Variants in ATP2B3 observed in about 807,000 individuals in gnomAD.
ATP2B3 encodes plasma membrane calcium-transporting ATPase 3.
Under a neutral mutation model 70.8 loss-of-function variants are expected in ATP2B3, and 12 were observed. That is an observed-to-expected ratio of 0.17 (90% CI 0.11 to 0.27). ATP2B3 has a LOEUF of 0.27. ATP2B3 is among the 10% of genes least tolerant of loss of function. The pLI, the probability that ATP2B3 is intolerant of heterozygous loss-of-function variation, is 1.00. For missense variants in ATP2B3, 858 were observed against 1,118.5 expected (o/e 0.77, Z 3.32); for synonymous variants, 460 against 497.8 (o/e 0.92, Z 1.01).
rs1557020917 is a variant in ATP2B3, at chrX:153,574,894, T to C, written c.3343-5084T>C. On this transcript the variant is annotated intron_variant, in intron 21 of 21. Transcript: ENST00000263519. ...GCTCAGTGTGGCCAGGGATGGGCCT[T>C]GTCAGTCTGCAGCGTCACCCGCCCT... 3 of 328,593 alleles carry C rather than the reference T, an allele frequency of 9.1e-6. No individual in the cohort carries two copies. The East Asian group carries it at 2.9e-4, about 32-fold the overall frequency. The allele number at this position is 328,593 out of a possible 1,213,427, so 27.1% of individuals were successfully genotyped here.
intron 2 of ATP2B3, among the ~76,000 whole-genome samples, chrX:153,523,704 TTTTTTTTC>T (rs1411571156): frequency 2.1e-4 from 5 of 23,600 alleles, no homozygotes; most frequent in Admixed American, 6.9e-4. Context: ...TTTTTTTTTT[TTTTTTTTC>T]CCTGAGACAG....
Position 153,556,176 on chromosome X carries a change from T to C in ATP2B3, c.2186T>C (p.Leu729Pro), listed in dbSNP as rs1557013411. Residue 729 changes from leucine (L) to proline (P), a missense_variant, in exon 14 of 22, where the codon CTG becomes CCG. By Grantham distance (98) the Leu-to-Pro change is moderately conservative. Coordinates refer to ENST00000263519, the MANE Select transcript of ATP2B3 (RefSeq NM_001001344.3). ...CGIIQPGEDF[L>P]CLEGKEFNRR... ...ATCATCCAGCCCGGGGAGGACTTCCTGTGCCTAGAAGGGAAGGAGTTCAAC... is the reference window on the plus strand; with the variant it reads ...ATCATCCAGCCCGGGGAGGACTTCCCGTGCCTAGAAGGGAAGGAGTTCAAC... The C allele has an allele frequency of 8.3e-7, 1 of 1,211,576 alleles. No individual in the cohort carries two copies. Among genetic ancestry groups the C allele is most frequent in the Non-Finnish European group, 1.1e-6 (1 of 895,193 alleles).
chrX:153,544,169 G>T lies in ATP2B3; in HGVS notation c.916+1001G>T, dbSNP rs185931009. 8.8e-4 allele frequency among the ~76,000 whole-genome samples: 99 copies of T among 112,555 alleles called. No individual in the cohort carries two copies. In the East Asian group the frequency reaches 0.026, roughly 29 times the overall value. On this transcript the variant is annotated intron_variant, in intron 7 of 21. Transcript: ENST00000263519. ...AGTGCAGTGTCTCACCCCAGTGAGTGCCCTGGGGGTGCGCAGGCAGATGGG... is the reference window on the plus strand; with the variant it reads ...AGTGCAGTGTCTCACCCCAGTGAGTTCCCTGGGGGTGCGCAGGCAGATGGG...
chrX:153,546,034 C>G, intron 7 of ATP2B3, 54 bp from the exon 8 acceptor site: 1 of 1,192,725 alleles, frequency 8.4e-7, no homozygotes. Flanking sequence ...TGCCACGCGG[C>G]CCCCAGGCTG....
At chrX:153,546,591 G>C (rs1406706358) in intron 8 of ATP2B3, among the ~76,000 whole-genome samples, 8 of 113,371 alleles carry the variant, frequency 7.1e-5, no homozygotes, top group Non-Finnish European at 1.5e-4. Context: ...TCTCAGCCCC[G>C]GACAGCTGGC....
At chrX:153,546,547 A>C (rs1387197611) in intron 8 of ATP2B3, among the ~76,000 whole-genome samples, 1 of 113,088 alleles carries the variant, frequency 8.8e-6, no homozygotes, top group Non-Finnish European at 1.9e-5. Context: ...TGGGAGACAG[A>C]GTGGTCGGCT....
At chrX:153,552,972 C>A in intron 12 of ATP2B3, 63 bp from the exon 13 acceptor site, 2 of 1,005,330 alleles carry the variant, frequency 2.0e-6, no homozygotes, top group Non-Finnish European at 2.8e-6. Context: ...TCCAGTGTGA[C>A]CAGCGCTGTT....
chrX:153,560,977 G>A, intron 19 of ATP2B3, 90 bp downstream of exon 19: 1 of 1,048,502 alleles, frequency 9.5e-7, no homozygotes, highest in African/African-American at 1.9e-5. Flanking sequence ...CCTAGTACTG[G>A]CCTCCCCACC....
rs369698709 is a variant in ATP2B3, at chrX:153,541,561, G to A, written c.406+5G>A. 11 of 1,209,021 alleles carry A rather than the reference G, an allele frequency of 9.1e-6. No individual in the cohort carries two copies. The African/African-American group carries it at 1.9e-4, about 21-fold the overall frequency. On this transcript the variant is annotated splice_donor_5th_base_variant and intron_variant, in intron 4 of 21. Coordinates refer to ENST00000263519, the MANE Select transcript of ATP2B3 (RefSeq NM_001001344.3). ...CGCCAGGAGAGGAGAGTGAAGGTAAGGCCCGGGGGCCTGGGCTGGAAGGAG... is the reference window on the plus strand; with the variant it reads ...CGCCAGGAGAGGAGAGTGAAGGTAAAGCCCGGGGGCCTGGGCTGGAAGGAG...
chrX:153,576,551 C>T (rs1191054007), intron 21 of ATP2B3, among the ~76,000 whole-genome samples: 3 of 111,712 alleles, frequency 2.7e-5, no homozygotes, highest in African/African-American at 9.8e-5. Flanking sequence ...GGGGAACACC[C>T]GGGAGGCAGC....
intron 2 of ATP2B3, among the ~76,000 whole-genome samples, chrX:153,532,344 C>T (rs1196325363): frequency 8.9e-6 from 1 of 112,674 alleles, no homozygotes; most frequent in Non-Finnish European, 1.9e-5. Context: ...GGGGACTAAG[C>T]TGGAGGTGCC....
intron 21 of ATP2B3, among the ~76,000 whole-genome samples, chrX:153,571,739 A>T (rs2090792690): frequency 8.9e-6 from 1 of 112,517 alleles, no homozygotes; most frequent in Admixed American, 9.3e-5. Context: ...TTCACAAGCT[A>T]TTCCATGGGG....
At chrX:153,536,480 C>T (rs1557004208) in intron 3 of ATP2B3, 25 bp downstream of exon 3, 1 of 1,174,636 alleles carries the variant, frequency 8.5e-7, no homozygotes, top group Admixed American at 2.5e-5. Flanking sequence ...GGCTGCATGC[C>T]ACCCAGCCCT....
At position 153,548,947 on chromosome X, in the gene ATP2B3, C is replaced by T. The variant is rs1317828340; in HGVS notation, c.1338+93C>T. On this transcript the variant is annotated intron_variant, in intron 10 of 21. Transcript: ENST00000263519. ...CCTTGGTGGCAGTATAAACTGGGGA[C>T]GTTTGGGATAGCTCAAGGGAGGAGA... 8 of 895,695 alleles carry T rather than the reference C, an allele frequency of 8.9e-6. No individual in the cohort carries two copies. The African/African-American group carries it at 1.2e-4, about 14-fold the overall frequency. 73.8% of individuals were successfully genotyped at this position (895,695 alleles called of 1,213,427 possible). A position where few individuals can be genotyped will look rare whatever the true frequency, so the allele number is the denominator to read the frequency against.
chrX:153,560,643 G>A (rs1557015836), intron 18 of ATP2B3, 33 bp from the exon 19 acceptor site: 1 of 1,200,625 alleles, frequency 8.3e-7, no homozygotes, highest in Admixed American at 2.2e-5. Flanking sequence ...GCGCTGAGAT[G>A]ACTGTGCCTG....
intron 21 of ATP2B3, among the ~76,000 whole-genome samples, chrX:153,567,939 A>G (rs1251876673): frequency 8.9e-6 from 1 of 112,296 alleles, no homozygotes; most frequent in Non-Finnish European, 1.9e-5. Context: ...ACCTGCTTGA[A>G]AAATGGAGCT....
chrX:153,553,385 C>T, intron 13 of ATP2B3, 116 bp downstream of exon 13: 1 of 607,019 alleles, frequency 1.6e-6, no homozygotes, highest in Non-Finnish European at 2.5e-6. Flanking sequence ...CTCCGTAGTA[C>T]ACTTGAGCCC....
chrX:153,551,961 A>G (rs1303196778), intron 12 of ATP2B3, among the ~76,000 whole-genome samples: 1 of 112,209 alleles, frequency 8.9e-6, no homozygotes, highest in Non-Finnish European at 1.9e-5. Context: ...GCCCAGGCCC[A>G]CGCTCCTTCC....
intron 16 of ATP2B3, 56 bp from the exon 17 acceptor site, chrX:153,558,056 G>A: frequency 8.9e-7 from 1 of 1,127,830 alleles, no homozygotes; most frequent in Non-Finnish European, 1.2e-6. Flanking sequence ...ATCAAGGGGG[G>A]CTGGGGAAGG....
Sources: allele counts gnomAD v4.1 joint callset (sites outside exome capture counted in the v4.1 genomes callset), GRCh38; gene constraint gnomAD v4.1.1; transcripts MANE v1.5; gene names NCBI Gene and HGNC (gene_info 2026-07-23, HGNC 2026-07-21).